The following EYS variants were observed in gnomAD, a reference collection of about 807,000 sequenced individuals.
The protein encoded by EYS is EGF-like photoreceptor maintenance factor, also known as protein eyes shut homolog.
EYS carries 250 observed loss-of-function variants against 282.1 expected under a neutral mutation model. The observed-to-expected ratio is 0.89, with a 90% CI of 0.80 to 0.98. The LOEUF is 0.98. EYS is among the 50% of genes least tolerant of loss of function. The pLI is 0.00. For missense variants in EYS, 4,016 were observed against 3,709.0 expected, an observed-to-expected ratio of 1.08 and a Z score of -2.15; for synonymous variants, 1,355 against 1,282.9, an observed-to-expected ratio of 1.06 and a Z score of -1.20.
intron 31 of EYS, among the ~76,000 whole-genome samples, chr6:64,120,378 A>G (rs1038244814): frequency 1.1e-4 from 16 of 149,848 alleles, no homozygotes; most frequent in Non-Finnish European, 2.1e-4. Context: ...AAAAAAAAAA[A>G]AAAAGAAAAA....
intron 31 of EYS, among the ~76,000 whole-genome samples, chr6:64,184,212 T>G (rs891207696): frequency 6.6e-6 from 1 of 152,148 alleles, no homozygotes; most frequent in African/African-American, 2.4e-5. Context: ...AAGCCACATG[T>G]GGGCAAGTGT....
intron 2 of EYS, among the ~76,000 whole-genome samples, chr6:65,542,006 A>C (rs2127321878): frequency 6.6e-6 from 1 of 152,286 alleles, no homozygotes; most frequent in East Asian, 1.9e-4. Flanking sequence ...GGAAAGCTTA[A>C]AGAGAGCTTA....
chr6:65,187,980 G>C (rs911680353), intron 12 of EYS, among the ~76,000 whole-genome samples: 2 of 151,584 alleles, frequency 1.3e-5, no homozygotes, highest in Non-Finnish European at 3.0e-5. Flanking sequence ...AGACATTAGA[G>C]TAGCATTCCT....
intron 13 of EYS, among the ~76,000 whole-genome samples, chr6:65,022,589 GTTAC>G (rs1239050980): frequency 6.6e-6 from 1 of 151,758 alleles, no homozygotes; most frequent in Non-Finnish European, 1.5e-5. Context: ...TCATAAGACA[GTTAC>G]TTGAATCCAT....
intron 19 of EYS, among the ~76,000 whole-genome samples, chr6:64,827,586 A>G (rs1303360402): frequency 1.3e-5 from 2 of 151,898 alleles, no homozygotes; most frequent in Non-Finnish European, 2.9e-5. Context: ...TACAAAGGAC[A>G]TAATCAAGTT....
chr6:65,071,326 T>A (rs1243736252), intron 12 of EYS, among the ~76,000 whole-genome samples: 1 of 151,880 alleles, frequency 6.6e-6, no homozygotes, highest in Non-Finnish European at 1.5e-5. Flanking sequence ...TTCAGCCTAT[T>A]TGATATCAGA....
intron 33 of EYS, among the ~76,000 whole-genome samples, chr6:64,061,432 G>A (rs1204156344): frequency 6.6e-6 from 1 of 152,124 alleles, no homozygotes; most frequent in Non-Finnish European, 1.5e-5. Flanking sequence ...CTGTGCATGA[G>A]TATGAATTAC....
intron 26 of EYS, among the ~76,000 whole-genome samples, chr6:64,481,252 C>G (rs539384018): frequency 5.0e-5 from 7 of 139,722 alleles, no homozygotes; most frequent in Non-Finnish European, 1.1e-4. Flanking sequence ...ATATACATCT[C>G]TTATGTGTAT....
At chr6:63,952,533 C>A (rs1305596783) in intron 35 of EYS, among the ~76,000 whole-genome samples, 1 of 152,104 alleles carries the variant, frequency 6.6e-6, no homozygotes, top group African/African-American at 2.4e-5. Flanking sequence ...GTATTGATGG[C>A]CAGGCTTCTA....
chr6:64,620,497 A>G (rs7761723), intron 23 of EYS, among the ~76,000 whole-genome samples: 50,794 of 151,986 alleles, frequency 0.33, 9,128 homozygotes, highest in East Asian at 0.5. Flanking sequence ...CCAGTTTTGA[A>G]GGATTCTGGA....
Position 63,726,699 on chromosome 6 carries a change from G to C in EYS, c.8072-19C>G. The C allele has an allele frequency of 1.3e-6, 2 of 1,544,960 alleles. No homozygotes were observed. The highest frequency in any genetic ancestry group is 1.8e-6 in the Non-Finnish European group (2 of 1,142,462). On this transcript the variant is annotated intron_variant, in intron 41 of 42. Transcript: ENST00000503581. ...GATAAAGCTGAGGGAAGGAGAGAAA[G>C]AGAACTCTGGGAGTTATCTGCTGGA...
At chr6:64,402,592 G>C (rs1032597465) in intron 28 of EYS, among the ~76,000 whole-genome samples, 2 of 152,124 alleles carry the variant, frequency 1.3e-5, no homozygotes, top group Non-Finnish European at 2.9e-5. Context: ...TCATTCGTTT[G>C]CCCATGGGGC....
intron 33 of EYS, among the ~76,000 whole-genome samples, chr6:64,035,994 A>G (rs1407052815): frequency 6.6e-6 from 1 of 152,238 alleles, no homozygotes; most frequent in Non-Finnish European, 1.5e-5. Context: ...ACTAAAGAGT[A>G]GTGCTGTATG....
intron 10 of EYS, among the ~76,000 whole-genome samples, chr6:65,342,284 G>T (rs1770227528): frequency 6.6e-6 from 1 of 150,842 alleles, no homozygotes; most frequent in Admixed American, 6.6e-5. Flanking sequence ...TCCTCAAATT[G>T]TCTGATTACA....
chr6:65,590,905 C>T (rs1765209666), intron 2 of EYS, among the ~76,000 whole-genome samples: 1 of 151,144 alleles, frequency 6.6e-6, no homozygotes, highest in Admixed American at 6.6e-5. Flanking sequence ...GATTCCATAA[C>T]TTGGCTATTG....
intron 12 of EYS, among the ~76,000 whole-genome samples, chr6:65,240,114 G>A (rs543842314): frequency 3.3e-5 from 5 of 151,558 alleles, no homozygotes; most frequent in Non-Finnish European, 5.9e-5. Flanking sequence ...GACTACAGGC[G>A]CCCACCACCA....
intron 26 of EYS, among the ~76,000 whole-genome samples, chr6:64,574,631 A>G (rs1177931006): frequency 6.6e-6 from 1 of 152,150 alleles, no homozygotes. Context: ...ACCAGTTCTA[A>G]TAAAATGCTC....
At chr6:64,627,065 C>T (rs1767633083) in intron 22 of EYS, among the ~76,000 whole-genome samples, 1 of 152,176 alleles carries the variant, frequency 6.6e-6, no homozygotes, top group South Asian at 2.1e-4. Context: ...TTAAACCATG[C>T]TTCAAGAACT....
chr6:65,447,588 A>T (rs1768723078), intron 5 of EYS, among the ~76,000 whole-genome samples: 1 of 151,262 alleles, frequency 6.6e-6, no homozygotes. Flanking sequence ...TTTATTTGAC[A>T]TTAATTGGGC....
Sources: allele counts gnomAD v4.1 joint callset (sites outside exome capture counted in the v4.1 genomes callset), GRCh38; gene constraint gnomAD v4.1.1; transcripts MANE v1.5; gene names NCBI Gene and HGNC (gene_info 2026-07-23, HGNC 2026-07-21).